ESYT2: variants seen among roughly 807,000 people sequenced by gnomAD.
ESYT2 encodes the protein extended synaptotagmin-2.
Under a neutral mutation model 107.2 loss-of-function variants are expected in ESYT2, and 54 were observed. The ratio of observed to expected loss-of-function variants is 0.50; its 90% confidence interval spans 0.40 to 0.63. The LOEUF is 0.63. ESYT2 is among the 30% of genes least tolerant of loss of function. The pLI, the probability that ESYT2 is intolerant of heterozygous loss-of-function variation, is 0.00. For synonymous variants in ESYT2, 491 were observed against 434.1 expected, an observed-to-expected ratio of 1.13 and a Z score of -1.63; for missense variants, 1,020 against 1,094.5, an observed-to-expected ratio of 0.93 and a Z score of 0.96.
chr7:158,817,754 G>T (rs184230593), intron 1 of ESYT2, among the ~76,000 whole-genome samples: 44 of 152,334 alleles, frequency 2.9e-4, no homozygotes, highest in South Asian at 6.2e-4. Context: ...ACTTGTCTCA[G>T]ATACTTTTGG....
Position 158,748,186 on chromosome 7 carries a change from T to C in ESYT2, c.1644+8A>G. On this transcript the variant is annotated splice_region_variant and intron_variant, in intron 16 of 22. Transcript: ENST00000275418. ...CAATAAATTGGTTAAAAAATGCAAA[T>C]AAAATACCTCAACTTCAAGGTCCTG... The C allele has an allele frequency of 2.5e-6, 4 of 1,612,552 alleles. No homozygotes were observed. In the South Asian group the frequency reaches 4.4e-5, roughly 18 times the overall value.
chr7:158,733,877 C>T lies in ESYT2; in HGVS notation c.*330G>A, dbSNP rs1006937177. The T allele has an allele frequency of 3.7e-6, 1 of 273,362 alleles. No individual in the cohort carries two copies. The highest frequency in any genetic ancestry group is 7.1e-6 in the Non-Finnish European group (1 of 140,994). 16.9% of individuals were successfully genotyped at this position (273,362 alleles called of 1,614,324 possible). A position where few individuals can be genotyped will look rare whatever the true frequency, so the allele number is the denominator to read the frequency against. ...TAGTCTATTTACATGGCATAGTATA[C>T]CTCAGTGATATATAAACAAGGCCAT... On this transcript the variant is annotated 3_prime_UTR_variant, in exon 23 of 23. Transcript: ENST00000275418.
At chr7:158,738,965 C>T (rs573945913) in intron 19 of ESYT2, 58 bp downstream of exon 19, 3 of 1,514,650 alleles carry the variant, frequency 2.0e-6, no homozygotes, top group East Asian at 4.5e-5. Flanking sequence ...CTACATCATC[C>T]TATCCAGCAT....
chr7:158,821,736 C>T (rs1167017999), intron 1 of ESYT2, among the ~76,000 whole-genome samples: 1 of 152,198 alleles, frequency 6.6e-6, no homozygotes, highest in Non-Finnish European at 1.5e-5. Context: ...CAGCCTTCTA[C>T]CAGGTGGAGG....
At chr7:158,787,243 A>G (rs1193114052) in intron 6 of ESYT2, among the ~76,000 whole-genome samples, 1 of 152,264 alleles carries the variant, frequency 6.6e-6, no homozygotes, top group East Asian at 1.9e-4. Context: ...ACAACAACAC[A>G]GTATACGTTC....
At chr7:158,823,066 G>A (rs1402734673) in intron 1 of ESYT2, among the ~76,000 whole-genome samples, 1 of 151,912 alleles carries the variant, frequency 6.6e-6, no homozygotes, top group Admixed American at 6.6e-5. Context: ...GCTGAGGCAG[G>A]CGGATTGCCT....
At chr7:158,822,025 T>C (rs1216938191) in intron 1 of ESYT2, among the ~76,000 whole-genome samples, 3 of 152,138 alleles carry the variant, frequency 2.0e-5, no homozygotes, top group African/African-American at 4.8e-5. Flanking sequence ...CTAACTACTC[T>C]GAGCAGAGTG....
chr7:158,829,019 G>C (rs1840547309), intron 1 of ESYT2, 70 bp downstream of exon 1: 2 of 1,528,674 alleles, frequency 1.3e-6, no homozygotes, highest in Non-Finnish European at 1.7e-6. Flanking sequence ...GGGGAGGGGA[G>C]TGCCTGCCTG....
chr7:158,764,954 C>T, intron 8 of ESYT2, 101 bp from the exon 9 acceptor site: 1 of 1,202,704 alleles, frequency 8.3e-7, no homozygotes, highest in Non-Finnish European at 1.2e-6. Context: ...ATTGGGAGTG[C>T]CGAGGGAATA....
At chr7:158,804,969 A>T (rs1443970234) in intron 1 of ESYT2, among the ~76,000 whole-genome samples, 1 of 152,208 alleles carries the variant, frequency 6.6e-6, no homozygotes, top group Non-Finnish European at 1.5e-5. Context: ...TTATCAGATT[A>T]CGATGAGAAA....
chr7:158,809,848 C>T (rs1264789559), intron 1 of ESYT2, among the ~76,000 whole-genome samples: 2 of 147,166 alleles, frequency 1.4e-5, no homozygotes, highest in Non-Finnish European at 3.0e-5. Flanking sequence ...AGAACTATAA[C>T]CTGGCTGGCT....
At chr7:158,820,593 C>T (rs940014109) in intron 1 of ESYT2, among the ~76,000 whole-genome samples, 4 of 152,102 alleles carry the variant, frequency 2.6e-5, no homozygotes, top group Admixed American at 2.6e-4. Flanking sequence ...GAGTTCAAGA[C>T]CAGCCTGGGT....
chr7:158,739,520 G>A (rs1204562458), intron 18 of ESYT2, among the ~76,000 whole-genome samples: 1 of 151,996 alleles, frequency 6.6e-6, no homozygotes, highest in Non-Finnish European at 1.5e-5. Flanking sequence ...CTAATTTTTT[G>A]TATTTTTAGT....
Position 158,829,250 on chromosome 7 carries a change from C to G in ESYT2, c.169G>C (p.Gly57Arg). The G allele has an allele frequency of 6.6e-7, 1 of 1,526,506 alleles. No homozygotes were observed. The highest frequency in any genetic ancestry group is 8.7e-7 in the Non-Finnish European group (1 of 1,145,322). 94.6% of individuals were successfully genotyped at this position (1,526,506 alleles called of 1,614,324 possible). The change falls in exon 1 of 23, where the codon GGG becomes CGG. Residue 57 changes from glycine (G) to arginine (R), a missense_variant. By Grantham distance (125) the Gly-to-Arg change is moderately radical. Transcript: ENST00000275418. ...LLPVYALGYL[G>R]LSFSWVLLAL... is the part of the protein sequence containing the mutation. ...AGGAGAACCCAGCTGAAGCTGAGCCCCAGGTAGCCCAGCGCGTACACGGGC... is the reference window on the plus strand; with the variant it reads ...AGGAGAACCCAGCTGAAGCTGAGCCGCAGGTAGCCCAGCGCGTACACGGGC...
At chr7:158,742,024 T>G (rs1431338919) in intron 17 of ESYT2, 128 bp from the exon 18 acceptor site, 11 of 1,116,844 alleles carry the variant, frequency 9.8e-6, no homozygotes, top group Non-Finnish European at 1.4e-5. Context: ...AATTTTTTTT[T>G]AAAGGAAAGT....
chr7:158,747,258 A>C (rs1837436448), intron 16 of ESYT2, among the ~76,000 whole-genome samples: 1 of 151,972 alleles, frequency 6.6e-6, no homozygotes, highest in South Asian at 2.1e-4. Flanking sequence ...GAGGCAAGAG[A>C]ATCACTTGAA....
At chr7:158,761,875 T>C (rs1837977649) in intron 10 of ESYT2, among the ~76,000 whole-genome samples, 1 of 152,120 alleles carries the variant, frequency 6.6e-6, no homozygotes, top group African/African-American at 2.4e-5. Context: ...GTTACATGCA[T>C]CAAAAAATGT....
Position 158,764,870 on chromosome 7 carries a change from A to G in ESYT2, c.925-17T>C, listed in dbSNP as rs1459267320. 1.5e-5 allele frequency: 24 copies of G among 1,611,674 alleles called. No homozygotes were observed. Among genetic ancestry groups the G allele is most frequent in the Non-Finnish European group, 2.0e-5 (24 of 1,178,828 alleles). ...TAGAACACCCTGAAAAGAAGAACAAACTGAAGTTTAGACCCTTGGCTGGCT... is the reference window on the plus strand; with the variant it reads ...TAGAACACCCTGAAAAGAAGAACAAGCTGAAGTTTAGACCCTTGGCTGGCT... On this transcript the variant is annotated splice_polypyrimidine_tract_variant and intron_variant, in intron 8 of 22. Coordinates refer to ENST00000275418, the MANE Select transcript of ESYT2 (RefSeq NM_001367773.1).
intron 8 of ESYT2, among the ~76,000 whole-genome samples, chr7:158,766,283 CAT>C (rs1838162267): frequency 6.6e-6 from 1 of 152,150 alleles, no homozygotes; most frequent in East Asian, 1.9e-4. Context: ...TATATTTTCA[CAT>C]GTCTAAAGTT....
Sources: gnomAD v4.1 joint callset for allele counts (sites outside exome capture counted in the v4.1 genomes callset) on GRCh38, gnomAD v4.1.1 for gene constraint, MANE v1.5 for transcripts, NCBI Gene and HGNC (gene_info 2026-07-23, HGNC 2026-07-21) for gene names.